The following TRPM2 variants were observed in gnomAD, a reference collection of about 807,000 sequenced individuals.
TRPM2 encodes the protein transient receptor potential cation channel subfamily M member 2.
In TRPM2, 161 loss-of-function variants were observed where a neutral mutation model predicts 174.0. The observed-to-expected ratio is 0.93, with a 90% confidence interval of 0.81 to 1.05. The LOEUF (loss-of-function observed/expected upper bound fraction) is 1.05. TRPM2 is among the 50% of genes least tolerant of loss of function. TRPM2 has a pLI of 0.00. For missense variants in TRPM2, 2,057 were observed against 2,038.0 expected (o/e 1.01, Z -0.18); for synonymous variants, 954 against 861.3 (o/e 1.11, Z -1.88).
chr21:44,428,194 A>G lies in TRPM2; in HGVS notation c.3974+1083A>G, dbSNP rs1018308077. 3.9e-5 allele frequency among the ~76,000 whole-genome samples: 6 copies of G among 152,164 alleles called. 1 individual carries two copies. The highest frequency in any genetic ancestry group is 1.4e-4 in the African/African-American group (6 of 41,402). On this transcript the variant is annotated intron_variant, in intron 27 of 31. Coordinates refer to ENST00000397928, the MANE Select transcript of TRPM2 (RefSeq NM_003307.4). ...GTTCTCTTTCTATGAAATTATAAAG[A>G]CACACCTTCCTATATTCATTTGATA...
chr21:44,366,742 C>A lies in TRPM2; in HGVS notation c.424-12C>A, dbSNP rs776907818. 2 of 1,613,914 alleles carry A rather than the reference C, an allele frequency of 1.2e-6. No homozygotes were observed. Among genetic ancestry groups the A allele is most frequent in the East Asian group, 4.5e-5 (2 of 44,868 alleles). ...CACACAGGTTCCCTCCGCCGTTTTC[C>A]CTTTCCCGCAGTACGTCCGAGTCTC... On this transcript the variant is annotated splice_polypyrimidine_tract_variant and intron_variant, in intron 3 of 31. Coordinates refer to ENST00000397928, the MANE Select transcript of TRPM2 (RefSeq NM_003307.4). This position sits in a 1 kb window ranked among gnomAD's most constrained non-coding sequence, Gnocchi z 6.0.
chr21:44,400,235 T>C, intron 14 of TRPM2, 24 bp from the exon 15 acceptor site: 1 of 1,600,552 alleles, frequency 6.2e-7, no homozygotes, highest in South Asian at 1.1e-5. Flanking sequence ...GGCACTGCCA[T>C]CCTGAGACTG....
intron 27 of TRPM2, 100 bp downstream of exon 27, chr21:44,427,211 A>G (rs375868804): frequency 9.4e-6 from 10 of 1,067,558 alleles, no homozygotes; most frequent in Non-Finnish European, 1.1e-5. Context: ...CTCATAAAAC[A>G]AAATCAAAAA....
chr21:44,411,495 G>A (rs2050104816), intron 19 of TRPM2, among the ~76,000 whole-genome samples: 1 of 152,030 alleles, frequency 6.6e-6, no homozygotes, highest in South Asian at 2.1e-4. Flanking sequence ...GTTTTTTAGT[G>A]GATTTGTCAT....
chr21:44,393,828 G>A (rs1419873997), intron 11 of TRPM2, among the ~76,000 whole-genome samples: 1 of 151,228 alleles, frequency 6.6e-6, no homozygotes, highest in African/African-American at 2.4e-5. Context: ...TGTTCCAGGT[G>A]AGCTCTGTCT....
chr21:44,372,057 G>T (rs2048556937), intron 5 of TRPM2, among the ~76,000 whole-genome samples: 1 of 152,224 alleles, frequency 6.6e-6, no homozygotes, highest in African/African-American at 2.4e-5. Flanking sequence ...AGGAGCTGGA[G>T]GTTGCAGGGA....
Position 44,413,914 on chromosome 21 carries a change from T to A in TRPM2, c.2986T>A (p.Cys996Ser). ...IDGVNFNPEHCSPNGTDPYKP... is the reference protein window; with the variant it reads ...IDGVNFNPEHSSPNGTDPYKP... ...AGGTGTGAACTTCAACCCGGAGCAC[T>A]GCAGCCCCAATGGCACCGACCCCTA... The change falls in exon 20 of 32, where the codon TGC (cysteine) becomes AGC (serine). Residue 996 changes from cysteine to serine, a missense_variant. Coordinates refer to ENST00000397928, the MANE Select transcript of TRPM2 (RefSeq NM_003307.4). The A allele has an allele frequency of 6.2e-7, 1 of 1,613,628 alleles. No homozygotes were observed.
intron 20 of TRPM2, chr21:44,414,653 G>A (rs1350856981): frequency 6.5e-6 from 1 of 152,760 alleles, no homozygotes; most frequent in Non-Finnish European, 1.5e-5. Flanking sequence ...CGCAGTTCAC[G>A]TCTGTCTCCC....
In TRPM2 at chr21:44,401,869, TCTC is replaced by T. The variant is rs775582246; in HGVS notation, c.2513_2515del (p.Ser838del). 1.6e-4 allele frequency: 258 copies of T among 1,613,826 alleles called. 1 individual carries two copies. The highest frequency in any genetic ancestry group is 3.4e-6 in the Non-Finnish European group (4 of 1,179,988). On this transcript the variant is annotated inframe_deletion, in exon 16 of 32. Coordinates refer to ENST00000397928, the MANE Select transcript of TRPM2 (RefSeq NM_003307.4). ...GAGTGTGCCATCTACCTCTGGCTCT[TCTC>T]CTTGGTGTGCGAGGAGATGCGGCAG...
In TRPM2 at chr21:44,438,888, C is replaced by T; in HGVS notation, c.4168-179C>T. 1 of 547,198 alleles carries T rather than the reference C, an allele frequency of 1.8e-6. No individual in the cohort carries two copies. Among genetic ancestry groups the T allele is most frequent in the South Asian group, 2.0e-5 (1 of 50,622 alleles). The allele number at this position is 547,198 out of a possible 1,614,324, so 33.9% of individuals were successfully genotyped here. A position where few individuals can be genotyped will look rare whatever the true frequency, so the allele number is the denominator to read the frequency against. On this transcript the variant is annotated intron_variant, in intron 29 of 31. Transcript: ENST00000397928. The surrounding 1 kb of genome is among the most constrained non-coding windows in gnomAD (Gnocchi z 5.9). ...CGGGCCACGGCAGGCCTCACAGATG[C>T]TGACGTGGACGGCGGGTTCTGGGCA...
At position 44,414,064 on chromosome 21, in the gene TRPM2, G is replaced by T. The variant is rs754688559; in HGVS notation, c.3136G>T (p.Ala1046Ser). 3.1e-6 allele frequency: 5 copies of T among 1,611,066 alleles called. No homozygotes were observed. Among genetic ancestry groups the T allele is most frequent in the Non-Finnish European group, 4.2e-6 (5 of 1,179,398 alleles). Residue 1046 changes from alanine (A) to serine (S), a missense_variant, in exon 20 of 32, where the codon GCC (alanine) becomes TCC (serine). Ala to Ser is a moderately conservative substitution (Grantham distance 99). Transcript: ENST00000397928. ...TNILLLNLLI[A>S]MFNYTFQQVQ... ...CATCCTGCTGCTCAACCTCCTCATC[G>T]CCATGTTCAAGTGAGCGCCTGGGTG...
intron 9 of TRPM2, among the ~76,000 whole-genome samples, chr21:44,388,388 T>C (rs2049072216): frequency 6.6e-6 from 1 of 152,094 alleles, no homozygotes; most frequent in African/African-American, 2.4e-5. Flanking sequence ...GAATGGTGGG[T>C]GCCAGGATCT....
At chr21:44,396,874 G>A (rs1325876156) in intron 12 of TRPM2, among the ~76,000 whole-genome samples, 1 of 100,000 alleles carries the variant, frequency 1.0e-5, no homozygotes, top group Non-Finnish European at 2.0e-5. Context: ...GTGGAGGGCT[G>A]TGGAGGGGTG....
intron 19 of TRPM2, among the ~76,000 whole-genome samples, chr21:44,408,845 A>G (rs2049995147): frequency 6.6e-6 from 1 of 151,980 alleles, no homozygotes; most frequent in African/African-American, 2.4e-5. Flanking sequence ...TTTAGTAGAT[A>G]CAGAGTTTCA....
At chr21:44,385,639 C>T (rs2048997801) in intron 9 of TRPM2, among the ~76,000 whole-genome samples, 1 of 152,168 alleles carries the variant, frequency 6.6e-6, no homozygotes, top group South Asian at 2.1e-4. Flanking sequence ...TGTCCATTTT[C>T]ACACTGCTAT....
chr21:44,358,536 G>A (rs2048120909), intron 2 of TRPM2, among the ~76,000 whole-genome samples: 2 of 152,218 alleles, frequency 1.3e-5, no homozygotes, highest in Non-Finnish European at 1.5e-5. Flanking sequence ...ATCAGTGTCC[G>A]CAATGCAGTT....
chr21:44,425,989 G>A (rs964486709), intron 25 of TRPM2, among the ~76,000 whole-genome samples, 162 bp downstream of exon 25: 1 of 152,160 alleles, frequency 6.6e-6, no homozygotes, highest in East Asian at 1.9e-4. Context: ...TGAGGAAACC[G>A]AGGCACAGAG....
At chr21:44,375,733 G>C (rs1001588308) in intron 5 of TRPM2, 100 bp from the exon 6 acceptor site, 130 of 1,341,780 alleles carry the variant, frequency 9.7e-5, no homozygotes, top group Non-Finnish European at 9.7e-5. Flanking sequence ...AGATTCCAGG[G>C]ACTGGGACCT....
chr21:44,376,983 C>T lies in TRPM2; in HGVS notation c.953-729C>T, dbSNP rs995800705. Among the ~76,000 whole-genome samples the T allele has an allele frequency of 8.0e-5, 12 of 150,856 alleles. No individual in the cohort carries two copies. In the South Asian group the frequency reaches 1.7e-3, roughly 21 times the overall value. On this transcript the variant is annotated intron_variant, in intron 6 of 31. Coordinates refer to ENST00000397928, the MANE Select transcript of TRPM2 (RefSeq NM_003307.4). This position sits in a 1 kb window ranked among gnomAD's most constrained non-coding sequence, Gnocchi z 4.2. ...GTAGGAGCACGTTCCCTGGTGAGGA[C>T]GATGCTGCAGTTCAGGGACCAGGGA...
Sources: allele counts gnomAD v4.1 joint callset (sites outside exome capture counted in the v4.1 genomes callset), GRCh38; gene constraint gnomAD v4.1.1; non-coding constraint Gnocchi (gnomAD v3.1); transcripts MANE v1.5; gene names NCBI Gene and HGNC (gene_info 2026-07-23, HGNC 2026-07-21).